MCPH1: variants seen among roughly 807,000 people sequenced by gnomAD.
MCPH1 encodes the protein microcephalin.
MCPH1 carries 104 observed loss-of-function variants against 84.5 expected under a neutral mutation model. The observed-to-expected ratio is 1.23, with a 90% CI of 1.05 to 1.45. The LOEUF (loss-of-function observed/expected upper bound fraction) is 1.45. Among genes scored for constraint, MCPH1 ranks in the 40% most tolerant of loss-of-function variants. The probability of loss-of-function intolerance (pLI) is 0.00; values close to 1 mark genes in which losing one functional copy is unlikely to be tolerated. For missense variants in MCPH1, 1,498 were observed against 1,005.7 expected (o/e 1.49, Z -6.62); for synonymous variants, 514 against 366.8 (o/e 1.40, Z -4.58).
At chr8:6,456,275 G>T (rs1805665772) in intron 9 of MCPH1, among the ~76,000 whole-genome samples, 2 of 152,148 alleles carry the variant, frequency 1.3e-5, no homozygotes, top group African/African-American at 4.8e-5. Context: ...CAACACCAAG[G>T]CACCTGCTCT....
chr8:6,588,306 C>T (rs3020246), intron 12 of MCPH1, among the ~76,000 whole-genome samples: 73,221 of 151,790 alleles, frequency 0.48, 17,872 homozygotes, highest in Admixed American at 0.58. Flanking sequence ...AGCAAGTCAC[C>T]GTTATCAGAG....
At chr8:6,584,405 G>A (rs1171637666) in intron 12 of MCPH1, among the ~76,000 whole-genome samples, 1 of 152,162 alleles carries the variant, frequency 6.6e-6, no homozygotes, top group African/African-American at 2.4e-5. Flanking sequence ...TGATTTAAAA[G>A]GAGACACAGC....
chr8:6,644,034 T>G lies in MCPH1; in HGVS notation c.*985T>G, dbSNP rs1195572498. On this transcript the variant is annotated 3_prime_UTR_variant, in exon 14 of 14. Coordinates refer to ENST00000344683, the MANE Select transcript of MCPH1 (RefSeq NM_024596.5). ...GGGAGGCTGAGGTGGACAGATCACT[T>G]GAGGTCAGGAGTTCGAGACCAGCCT... The G allele has an allele frequency of 6.6e-6, 1 of 152,258 alleles. No homozygotes were observed. The highest frequency in any genetic ancestry group is 2.4e-5 in the African/African-American group (1 of 41,440). 9.4% of individuals were successfully genotyped at this position (152,258 alleles called of 1,614,324 possible).
At chr8:6,420,991 G>C (rs7018378) in intron 3 of MCPH1, among the ~76,000 whole-genome samples, 1 of 152,066 alleles carries the variant, frequency 6.6e-6, no homozygotes, top group Non-Finnish European at 1.5e-5. Context: ...GGGCATGGAG[G>C]TCTAATTTGA....
intron 10 of MCPH1, among the ~76,000 whole-genome samples, chr8:6,480,484 AG>A (rs1233673785): frequency 3.3e-5 from 5 of 152,156 alleles, no homozygotes; most frequent in African/African-American, 9.7e-5. Context: ...AGCCATTGAC[AG>A]CCTGTGGGCT....
intron 9 of MCPH1, among the ~76,000 whole-genome samples, chr8:6,475,550 C>G (rs920436553): frequency 2.0e-5 from 3 of 152,194 alleles, no homozygotes; most frequent in East Asian, 1.9e-4. Context: ...ATTCAGCACA[C>G]CAACACGATA....
At chr8:6,607,951 C>T (rs779912192) in intron 12 of MCPH1, among the ~76,000 whole-genome samples, 11 of 152,216 alleles carry the variant, frequency 7.2e-5, no homozygotes, top group Non-Finnish European at 1.2e-4. Flanking sequence ...GATCCATTCA[C>T]GCCCAAGAAG....
chr8:6,491,237 A>T (rs1810533500), intron 11 of MCPH1, among the ~76,000 whole-genome samples: 1 of 151,570 alleles, frequency 6.6e-6, no homozygotes, highest in Non-Finnish European at 1.5e-5. Context: ...TTTGCCATAC[A>T]ATTAAAGTAT....
At chr8:6,603,191 T>C (rs1196980143) in intron 12 of MCPH1, among the ~76,000 whole-genome samples, 2 of 152,166 alleles carry the variant, frequency 1.3e-5, no homozygotes, top group Non-Finnish European at 2.9e-5. Flanking sequence ...TCCATGTCTC[T>C]GAGGTCTTGG....
At chr8:6,592,816 G>A (rs1318028859) in intron 12 of MCPH1, among the ~76,000 whole-genome samples, 1 of 106,954 alleles carries the variant, frequency 9.3e-6, no homozygotes, top group South Asian at 3.6e-4. Context: ...CACCACACCT[G>A]GCAATTTTTT....
intron 11 of MCPH1, among the ~76,000 whole-genome samples, chr8:6,489,738 A>T (rs535469771): frequency 3.3e-5 from 5 of 152,230 alleles, no homozygotes; most frequent in Admixed American, 2.0e-4. Context: ...CGTGTTGCCA[A>T]CTGCAACACA....
At chr8:6,641,601 G>C (rs1197371467) in intron 13 of MCPH1, among the ~76,000 whole-genome samples, 2 of 152,150 alleles carry the variant, frequency 1.3e-5, no homozygotes, top group Non-Finnish European at 2.9e-5. Flanking sequence ...AACATTAACT[G>C]GGTGTGGTGG....
intron 9 of MCPH1, among the ~76,000 whole-genome samples, chr8:6,459,678 G>A (rs1806064785): frequency 1.3e-5 from 2 of 152,188 alleles, no homozygotes; most frequent in Non-Finnish European, 2.9e-5. Context: ...TCTGTAGTGA[G>A]GAAAATGATT....
At chr8:6,576,230 G>GA (rs2129576733) in intron 12 of MCPH1, among the ~76,000 whole-genome samples, 1 of 152,214 alleles carries the variant, frequency 6.6e-6, no homozygotes, top group South Asian at 2.1e-4. Context: ...AGCAGTAAAA[G>GA]TGTTTCCTAG....
intron 3 of MCPH1, among the ~76,000 whole-genome samples, chr8:6,418,623 G>A (rs759962748): frequency 1.1e-4 from 16 of 151,700 alleles, no homozygotes; most frequent in South Asian, 2.1e-4. Flanking sequence ...TCGCTCTGTC[G>A]CCAGGCTGGA....
At chr8:6,618,195 T>A (rs1362025717) in intron 12 of MCPH1, among the ~76,000 whole-genome samples, 1 of 152,228 alleles carries the variant, frequency 6.6e-6, no homozygotes, top group Admixed American at 6.5e-5. Context: ...CGCCTTGATC[T>A]CCAGGTAACA....
intron 12 of MCPH1, among the ~76,000 whole-genome samples, chr8:6,543,849 TAA>T (rs1420111450): frequency 2.0e-5 from 3 of 152,226 alleles, no homozygotes; most frequent in African/African-American, 7.2e-5. Flanking sequence ...GCATGGACTT[TAA>T]GGAGCTGTAC....
At chr8:6,617,925 A>ATCTATCTATCTATCTG (rs1831008440) in intron 12 of MCPH1, among the ~76,000 whole-genome samples, 2 of 151,260 alleles carry the variant, frequency 1.3e-5, no homozygotes, top group Non-Finnish European at 2.9e-5. Flanking sequence ...CTATCTATCT[A>ATCTATCTATCTATCTG]TCTATCTATC....
intron 13 of MCPH1, among the ~76,000 whole-genome samples, chr8:6,629,821 C>T (rs1383835218): frequency 6.6e-6 from 1 of 152,234 alleles, no homozygotes; most frequent in East Asian, 1.9e-4. Flanking sequence ...CAGTGAATTA[C>T]TGAAAGACCC....
Sources: gnomAD v4.1 joint callset for allele counts (sites outside exome capture counted in the v4.1 genomes callset) on GRCh38, gnomAD v4.1.1 for gene constraint, MANE v1.5 for transcripts, NCBI Gene and HGNC (gene_info 2026-07-23, HGNC 2026-07-21) for gene names.